The following NOX4 variants were observed in gnomAD, a reference collection of about 807,000 sequenced individuals.
The protein encoded by NOX4 is kidney oxidase-1.
A neutral mutation model predicts 87.6 loss-of-function variants in NOX4; 69 were observed. The ratio of observed to expected loss-of-function variants is 0.79; its 90% CI spans 0.65 to 0.96. The LOEUF is 0.96. Ranked by LOEUF, NOX4 falls within the 40% of genes least tolerant of loss-of-function variation. The probability of loss-of-function intolerance (pLI) is 0.00; values close to 1 mark genes in which losing one functional copy is unlikely to be tolerated. For missense variants in NOX4, 680 were observed against 681.5 expected (o/e 1.00, Z 0.02); for synonymous variants, 275 against 238.2 (o/e 1.15, Z -1.42).
intron 11 of NOX4, among the ~76,000 whole-genome samples, chr11:89,383,873 C>T (rs145752771): frequency 0.015 from 2,281 of 152,186 alleles, 61 homozygotes; most frequent in African/African-American, 0.051. Flanking sequence ...CCTTAATCCA[C>T]AAGTATAGGA....
chr11:89,427,037 G>A (rs1362709231), intron 7 of NOX4, among the ~76,000 whole-genome samples: 1 of 152,148 alleles, frequency 6.6e-6, no homozygotes, highest in Non-Finnish European at 1.5e-5. Context: ...CCAGAGGAAT[G>A]ATCAGGCAGC....
intron 11 of NOX4, among the ~76,000 whole-genome samples, chr11:89,395,975 T>C (rs1487441129): frequency 6.6e-6 from 1 of 152,172 alleles, no homozygotes. Flanking sequence ...TAGGATTGTC[T>C]TGGCAATACA....
Position 89,325,865 on chromosome 11 carries a change from G to A in NOX4, c.*891C>T, listed in dbSNP as rs969864791. On this transcript the variant is annotated 3_prime_UTR_variant, in exon 18 of 18. Coordinates refer to ENST00000263317, the MANE Select transcript of NOX4 (RefSeq NM_016931.5). ...TAGAGACAAAAATGCTGAAAAAAGGGAAAAGTTATTAGTATATGTGTATAT... is the reference window on the plus strand; with the variant it reads ...TAGAGACAAAAATGCTGAAAAAAGGAAAAAGTTATTAGTATATGTGTATAT... 2 of 147,306 alleles carry A rather than the reference G, an allele frequency of 1.4e-5. No individual in the cohort carries two copies. The highest frequency in any genetic ancestry group is 5.0e-5 in the African/African-American group (2 of 40,084). The allele number at this position is 147,306 out of a possible 1,614,324, so 9.1% of individuals were successfully genotyped here.
the NOX4 span, among the ~76,000 whole-genome samples, chr11:89,552,796 T>A: frequency 2.0e-5 from 3 of 151,380 alleles, no homozygotes; most frequent in African/African-American, 7.3e-5. Flanking sequence ...TGCTGAGAAG[T>A]AGTGAGACTG....
At chr11:89,359,545 T>C (rs1360182532) in intron 12 of NOX4, among the ~76,000 whole-genome samples, 1 of 151,924 alleles carries the variant, frequency 6.6e-6, no homozygotes, top group Admixed American at 6.6e-5. Flanking sequence ...AAAAAATATA[T>C]AAAAAACAAA....
chr11:89,477,296 C>G (rs1946206176), intron 2 of NOX4, among the ~76,000 whole-genome samples: 1 of 152,078 alleles, frequency 6.6e-6, no homozygotes, highest in South Asian at 2.1e-4. Flanking sequence ...ACCTAGATCC[C>G]TCCTGCGCAG....
the NOX4 span, among the ~76,000 whole-genome samples, chr11:89,512,123 C>T: frequency 6.6e-6 from 1 of 151,992 alleles, no homozygotes; most frequent in African/African-American, 2.4e-5. Flanking sequence ...TTTTTTAACA[C>T]ATTTATTAAA....
the NOX4 span, among the ~76,000 whole-genome samples, chr11:89,520,588 C>T: frequency 6.6e-6 from 1 of 152,128 alleles, no homozygotes; most frequent in East Asian, 1.9e-4. Context: ...ACAACCAACA[C>T]CCCACACTGA....
chr11:89,508,479 A>G, the NOX4 span, among the ~76,000 whole-genome samples: 1 of 152,116 alleles, frequency 6.6e-6, no homozygotes, highest in Non-Finnish European at 1.5e-5. Flanking sequence ...AAAGACAGTT[A>G]TATCTTTAAA....
intron 2 of NOX4, among the ~76,000 whole-genome samples, chr11:89,464,545 C>T (rs2135424437): frequency 6.6e-6 from 1 of 152,218 alleles, no homozygotes; most frequent in Admixed American, 6.5e-5. Flanking sequence ...AATCCATAAG[C>T]TTCACAAGCA....
chr11:89,556,413 C>T, the NOX4 span, among the ~76,000 whole-genome samples: 1 of 152,006 alleles, frequency 6.6e-6, no homozygotes, highest in South Asian at 2.1e-4. Flanking sequence ...ATCTCAGCTA[C>T]TCAGGAGGCT....
the NOX4 span, among the ~76,000 whole-genome samples, chr11:89,538,869 A>T: frequency 1.3e-4 from 20 of 152,138 alleles, no homozygotes; most frequent in African/African-American, 4.8e-4. Flanking sequence ...TGACACCCTA[A>T]CTCCCAATGT....
At chr11:89,350,163 T>A (rs926206959) in intron 13 of NOX4, among the ~76,000 whole-genome samples, 3 of 152,234 alleles carry the variant, frequency 2.0e-5, no homozygotes, top group African/African-American at 7.2e-5. Flanking sequence ...ATGGATGCCC[T>A]GGCTTTGGCA....
chr11:89,374,782 T>A (rs1939717559), intron 11 of NOX4, among the ~76,000 whole-genome samples: 1 of 151,994 alleles, frequency 6.6e-6, no homozygotes, highest in African/African-American at 2.4e-5. Context: ...CAATATGAAT[T>A]AAAAGGAAAT....
At chr11:89,348,576 C>G (rs746816222) in intron 13 of NOX4, among the ~76,000 whole-genome samples, 1 of 152,062 alleles carries the variant, frequency 6.6e-6, no homozygotes, top group Non-Finnish European at 1.5e-5. Flanking sequence ...GTGCTGGCAC[C>G]ACTGCACTAC....
At chr11:89,455,637 T>C (rs556164311) in intron 2 of NOX4, among the ~76,000 whole-genome samples, 2 of 151,914 alleles carry the variant, frequency 1.3e-5, no homozygotes, top group East Asian at 1.9e-4. Flanking sequence ...CCAATAACTT[T>C]AAATTGCACA....
chr11:89,444,530 C>A (rs1242742550), intron 4 of NOX4, among the ~76,000 whole-genome samples: 3 of 146,530 alleles, frequency 2.0e-5, no homozygotes. Context: ...CACATACACA[C>A]ACACACACAC....
At chr11:89,465,027 A>G (rs1321134787) in intron 2 of NOX4, among the ~76,000 whole-genome samples, 1 of 152,188 alleles carries the variant, frequency 6.6e-6, no homozygotes, top group Non-Finnish European at 1.5e-5. Context: ...TCTGGGCTAC[A>G]TGTGCAGAAC....
At chr11:89,422,011 G>T (rs752948782) in intron 7 of NOX4, 29 bp from the exon 8 acceptor site, 7 of 1,152,824 alleles carry the variant, frequency 6.1e-6, no homozygotes, top group African/African-American at 3.2e-5. Context: ...TCATTTTAAT[G>T]CTACTTTACA....
Sources: gnomAD v4.1 joint callset for allele counts (sites outside exome capture counted in the v4.1 genomes callset) on GRCh38, gnomAD v4.1.1 for gene constraint, MANE v1.5 for transcripts, NCBI Gene and HGNC (gene_info 2026-07-23, HGNC 2026-07-21) for gene names.